The following ASB11 variants were observed in gnomAD, a reference collection of about 807,000 sequenced individuals.
ASB11 encodes the protein ankyrin repeat and SOCS box containing 11.
Under a neutral mutation model 20.1 loss-of-function variants are expected in ASB11, and 17 were observed. The observed-to-expected ratio is 0.85, with a 90% confidence interval of 0.58 to 1.27. ASB11 has a LOEUF of 1.27. Among genes scored for constraint, ASB11 ranks in the 50% most tolerant of loss-of-function variants. ASB11 has a pLI of 0.00. For missense variants in ASB11, 259 were observed against 256.9 expected, an observed-to-expected ratio of 1.01 and a Z score of -0.06; for synonymous variants, 107 against 105.6, an observed-to-expected ratio of 1.01 and a Z score of -0.08.
chrX:15,284,083 TCC>T (rs1271129911), intron 6 of ASB11, among the ~76,000 whole-genome samples: 4 of 105,106 alleles, frequency 3.8e-5, no homozygotes, highest in Non-Finnish European at 5.8e-5. Context: ...AAACCCCGTG[TCC>T]ACTAAAAATA....
chrX:15,284,054 C>T (rs774162977), intron 6 of ASB11, among the ~76,000 whole-genome samples: 9 of 107,739 alleles, frequency 8.4e-5, no homozygotes, highest in African/African-American at 2.1e-4. Context: ...AGATGGAGAC[C>T]ATCCTGGCTA....
intron 2 of ASB11, among the ~76,000 whole-genome samples, chrX:15,300,446 A>G (rs1030744233): frequency 8.9e-6 from 1 of 112,962 alleles, no homozygotes; most frequent in African/African-American, 3.2e-5. Flanking sequence ...ATCTAAATGT[A>G]AAATAAAGTT....
chrX:15,282,170 G>A lies in ASB11; in HGVS notation c.*1335C>T, dbSNP rs1044371470. ...GTGGGGCAAAATTGTCTCCAGTTGA[G>A]AGCCAAAGGTCTAGAAAAATTGGGG... On this transcript the variant is annotated 3_prime_UTR_variant, in exon 7 of 7. Transcript: ENST00000480796. 4 of 110,881 alleles carry A rather than the reference G, an allele frequency of 3.6e-5. No homozygotes were observed. Among genetic ancestry groups the A allele is most frequent in the Non-Finnish European group, 7.6e-5 (4 of 52,932 alleles). The allele number at this position is 110,881 out of a possible 1,213,427, so 9.1% of individuals were successfully genotyped here. A position where few individuals can be genotyped will look rare whatever the true frequency, so the allele number is the denominator to read the frequency against.
In ASB11 at chrX:15,283,131, C is replaced by T. The variant is rs1026338115; in HGVS notation, c.*374G>A. On this transcript the variant is annotated 3_prime_UTR_variant, in exon 7 of 7. Transcript: ENST00000480796. ...CAAGAACATATCTTGGAATACCTAA[C>T]ATTTGTTATAATCTTATCCACCTGA... 8.6e-6 allele frequency: 1 copy of T among 116,121 alleles called. No individual in the cohort carries two copies. Among genetic ancestry groups the T allele is most frequent in the Admixed American group, 9.1e-5 (1 of 10,934 alleles). The allele number at this position is 116,121 out of a possible 1,213,427, so 9.6% of individuals were successfully genotyped here.
rs182164492 is a variant in ASB11 at position 15,301,495 on chromosome X, A to G, written c.261+1233T>C. ...CAAAAAACAAATAAATGAAAAATAC[A>G]TACACATGCACACACAGACAGAGAG... On this transcript the variant is annotated intron_variant, in intron 2 of 6. Coordinates refer to ENST00000480796, the MANE Select transcript of ASB11 (RefSeq NM_080873.3). 3.9e-3 allele frequency among the ~76,000 whole-genome samples: 431 copies of G among 111,579 alleles called. 2 individuals carry two copies. Among genetic ancestry groups the G allele is most frequent in the Non-Finnish European group, 5.8e-3 (310 of 53,074 alleles).
intron 1 of ASB11, among the ~76,000 whole-genome samples, chrX:15,309,967 C>CAAAAA (rs60765469): frequency 0.07 from 1,088 of 15,505 alleles, 140 homozygotes; most frequent in African/African-American, 0.12. Context: ...GACTCCGTCT[C>CAAAAA]AAAAAAAAAA....
chrX:15,284,304 G>A (rs1384200949), intron 6 of ASB11, among the ~76,000 whole-genome samples: 1 of 109,288 alleles, frequency 9.2e-6, no homozygotes, highest in Non-Finnish European at 1.9e-5. Context: ...ACTGGCCAAG[G>A]AGAAAATGCA....
At chrX:15,305,836 C>T (rs1057212298) in intron 1 of ASB11, among the ~76,000 whole-genome samples, 2 of 111,416 alleles carry the variant, frequency 1.8e-5, no homozygotes, top group African/African-American at 6.5e-5. Context: ...TAAACTTGTG[C>T]CATGGGGGTT....
chrX:15,302,636 G>T, intron 2 of ASB11, 92 bp downstream of exon 2: 1 of 924,447 alleles, frequency 1.1e-6, no homozygotes, highest in South Asian at 2.2e-5. Flanking sequence ...ACCTGGATAG[G>T]GTGAGCCACA....
At chrX:15,298,976 T>A (rs1255110521) in intron 2 of ASB11, among the ~76,000 whole-genome samples, 1 of 110,996 alleles carries the variant, frequency 9.0e-6, no homozygotes, top group Non-Finnish European at 1.9e-5. Context: ...ACATTCTCCC[T>A]CCCCATACTA....
At chrX:15,306,465 G>T (rs1921250415) in intron 1 of ASB11, among the ~76,000 whole-genome samples, 1 of 111,573 alleles carries the variant, frequency 9.0e-6, no homozygotes, top group African/African-American at 3.3e-5. Context: ...CAGCACTTTG[G>T]GAGGCTGAGG....
intron 5 of ASB11, among the ~76,000 whole-genome samples, chrX:15,288,496 T>C (rs1927447925): frequency 8.9e-6 from 1 of 112,239 alleles, no homozygotes; most frequent in Admixed American, 9.5e-5. Context: ...TTCCTCAAGA[T>C]AAAAATTCAC....
chrX:15,310,851 G>A (rs1429541763), intron 1 of ASB11, among the ~76,000 whole-genome samples: 2 of 111,338 alleles, frequency 1.8e-5, no homozygotes, highest in African/African-American at 6.5e-5. Context: ...AGCCAGTGTG[G>A]TGGCGGGCGC....
Position 15,304,477 on chromosome X carries a change from A to AT in ASB11, c.182-1671dup, listed in dbSNP as rs201290024. On this transcript the variant is annotated intron_variant, in intron 1 of 6. Transcript: ENST00000480796. ...AAAACATAGATGTGCGTATATACGT[A>AT]TTTTTTTTTAGCATGGTGCACTGAG... is the stretch of plus-strand genomic sequence containing the variant. Among the ~76,000 whole-genome samples the AT allele has an allele frequency of 1.0e-3, 112 of 111,105 alleles. 1 individual carries two copies. The East Asian group carries it at 0.013, about 13-fold the overall frequency.
At chrX:15,307,414 C>T (rs68134042) in intron 1 of ASB11, among the ~76,000 whole-genome samples, 15,908 of 112,017 alleles carry the variant, frequency 0.14, 1,409 homozygotes, top group African/African-American at 0.33. Context: ...CAGGATGACA[C>T]TGTACCACCT....
chrX:15,284,246 C>T (rs1267483129), intron 6 of ASB11, among the ~76,000 whole-genome samples: 6 of 84,498 alleles, frequency 7.1e-5, no homozygotes, highest in Non-Finnish European at 1.1e-4. Context: ...AGCGAGACTC[C>T]GCCTCAAAAA....
intron 1 of ASB11, among the ~76,000 whole-genome samples, chrX:15,306,660 G>A (rs895961262): frequency 4.5e-5 from 5 of 110,918 alleles, no homozygotes; most frequent in Admixed American, 2.9e-4. Flanking sequence ...CCAAGATCAC[G>A]CCATTGCACT....
intron 6 of ASB11, among the ~76,000 whole-genome samples, chrX:15,284,079 C>T (rs1360206483): frequency 3.8e-5 from 4 of 105,593 alleles, no homozygotes; most frequent in African/African-American, 1.1e-4. Context: ...GGTGAAACCC[C>T]GTGTCCACTA....
Position 15,283,589 on chromosome X carries a change from C to T in ASB11, c.888G>A (p.Arg296=). The T allele has an allele frequency of 8.3e-7, 1 of 1,210,089 alleles. No individual in the cohort carries two copies. Among genetic ancestry groups the T allele is most frequent in the South Asian group, 1.8e-5 (1 of 56,830 alleles). ...ALSQLCRLCV[R]KCLGRACHQA... is the part of the protein sequence containing the mutation. Reference sequence around the variant, plus strand: ...GATGACATGCTCGACCGAGACACTTCCGGACACACAGGCGGCAGAGCTGGG... The same window carrying T: ...GATGACATGCTCGACCGAGACACTTTCGGACACACAGGCGGCAGAGCTGGG... Residue 296 remains arginine (R), a synonymous_variant, in exon 7 of 7, where the codon CGG becomes CGA. Transcript: ENST00000480796.
Sources: allele counts gnomAD v4.1 joint callset (sites outside exome capture counted in the v4.1 genomes callset), GRCh38; gene constraint gnomAD v4.1.1; transcripts MANE v1.5; gene names NCBI Gene and HGNC (gene_info 2026-07-23, HGNC 2026-07-21).